The following HGD variants were observed in gnomAD, a reference collection of about 807,000 sequenced individuals.
The protein encoded by HGD is homogentisate 1,2-dioxygenase.
In HGD, 61 loss-of-function variants were observed where a neutral mutation model predicts 60.8. That is an observed-to-expected ratio of 1.00 (90% CI 0.82 to 1.24). The LOEUF (loss-of-function observed/expected upper bound fraction) is 1.24. HGD is among the 50% of genes most tolerant of loss of function. The pLI, the probability that HGD is intolerant of heterozygous loss-of-function variation, is 0.00. For missense variants in HGD, 542 were observed against 547.1 expected (o/e 0.99, Z 0.09); for synonymous variants, 212 against 187.7 (o/e 1.13, Z -1.06).
chr3:120,656,396 A>G (rs1475604520), intron 4 of HGD, among the ~76,000 whole-genome samples: 1 of 152,208 alleles, frequency 6.6e-6, no homozygotes, highest in Non-Finnish European at 1.5e-5. Context: ...TATAGAATTT[A>G]CTTATTAAAC....
At chr3:120,648,495 G>C (rs2551621) in intron 6 of HGD, among the ~76,000 whole-genome samples, 7 of 152,366 alleles carry the variant, frequency 4.6e-5, no homozygotes, top group African/African-American at 1.4e-4. Context: ...AGGAAATGTA[G>C]AGTTGGGCTT....
intron 4 of HGD, among the ~76,000 whole-genome samples, chr3:120,653,331 A>G (rs1352317932): frequency 6.6e-6 from 1 of 152,216 alleles, no homozygotes; most frequent in African/African-American, 2.4e-5. Flanking sequence ...TTGAAGTGTC[A>G]GCCCAGCGCT....
At chr3:120,641,558 A>G in intron 11 of HGD, 31 bp downstream of exon 11, 1 of 1,432,844 alleles carries the variant, frequency 7.0e-7, no homozygotes, top group Non-Finnish European at 9.9e-7. Flanking sequence ...GCGTTGCCTC[A>G]TCCCAAGGCC....
rs763399523 is a variant in HGD at position 120,682,089 on chromosome 3, T to G, written c.15+8A>C. The G allele has an allele frequency of 1.9e-6, 3 of 1,613,924 alleles. No individual in the cohort carries two copies. In the East Asian group the frequency reaches 6.7e-5, roughly 36 times the overall value. ...AAGCCATAGCAAACTTGTCAGATGG[T>G]TTCTTACCTTTAACTCAGCCATTTT... On this transcript the variant is annotated splice_region_variant and intron_variant, in intron 1 of 13. Coordinates refer to ENST00000283871, the MANE Select transcript of HGD (RefSeq NM_000187.4).
At chr3:120,654,955 C>A (rs1046274910) in intron 4 of HGD, among the ~76,000 whole-genome samples, 2 of 152,134 alleles carry the variant, frequency 1.3e-5, no homozygotes, top group Non-Finnish European at 2.9e-5. Flanking sequence ...CCTGTAGTCC[C>A]AGCTACTCAG....
intron 12 of HGD, 126 bp from the exon 13 acceptor site, chr3:120,633,454 A>T: frequency 1.3e-6 from 2 of 1,571,262 alleles, no homozygotes; most frequent in Non-Finnish European, 1.7e-6. Flanking sequence ...GTATAGGATT[A>T]ATAAAGAATA....
At chr3:120,677,250 T>G in intron 1 of HGD, among the ~76,000 whole-genome samples, 1 of 152,208 alleles carries the variant, frequency 6.6e-6, no homozygotes, top group Non-Finnish European at 1.5e-5. Context: ...ATAAGAGAGA[T>G]AACCTTAAAC....
intron 13 of HGD, among the ~76,000 whole-genome samples, chr3:120,630,823 T>TATATATATATAC (rs71632702): frequency 1.4e-5 from 1 of 70,464 alleles, no homozygotes; most frequent in African/African-American, 6.4e-5. Flanking sequence ...TATATATATA[T>TATATATATATAC]ATACACATAC....
chr3:120,634,548 A>G (rs1286782351), intron 12 of HGD, among the ~76,000 whole-genome samples: 1 of 152,174 alleles, frequency 6.6e-6, no homozygotes, highest in African/African-American at 2.4e-5. Context: ...AGAGATGAAT[A>G]AGAAATAGCT....
chr3:120,633,220 C>T lies in HGD; in HGVS notation c.1115G>A (p.Gly372Glu). The stretch of plus-strand genomic sequence containing the variant: ...CTTCTCAAAGCAGTCAGCATCAGGT[C>T]CATGGGGGGTCATTGTGCTGTGTAG... ...GSLHSTMTPHGPDADCFEKAS... is the reference protein window; with the variant it reads ...GSLHSTMTPHEPDADCFEKAS... The change falls in exon 13 of 14, where the codon GGA becomes GAA. Residue 372 changes from glycine to glutamate, a missense_variant. By Grantham distance (98) the Gly-to-Glu change is moderately conservative. Around this residue, in one of 2 missense-constraint regions of HGD, gnomAD observed 537 missense variants for 529.1 expected, o/e 1.01. Transcript: ENST00000283871. 1.2e-6 allele frequency: 2 copies of T among 1,614,142 alleles called. No individual in the cohort carries two copies. Among genetic ancestry groups the T allele is most frequent in the Non-Finnish European group, 1.7e-6 (2 of 1,180,026 alleles).
intron 1 of HGD, among the ~76,000 whole-genome samples, chr3:120,681,399 C>T (rs1708227738): frequency 1.3e-5 from 2 of 152,304 alleles, no homozygotes; most frequent in South Asian, 4.1e-4. Flanking sequence ...ACTAAGGCCC[C>T]TTTTTGAGCC....
chr3:120,639,571 G>A (rs1226610039), intron 11 of HGD, among the ~76,000 whole-genome samples: 4 of 152,178 alleles, frequency 2.6e-5, no homozygotes, highest in African/African-American at 4.8e-5. Flanking sequence ...GAGAACCAAC[G>A]GTGCCTGCTT....
At chr3:120,675,755 G>T in intron 2 of HGD, 37 bp downstream of exon 2, 3 of 1,521,484 alleles carry the variant, frequency 2.0e-6, no homozygotes, top group Non-Finnish European at 2.7e-6. Context: ...CCAGGAATAG[G>T]ATTCAGAGCT....
intron 6 of HGD, among the ~76,000 whole-genome samples, chr3:120,649,751 C>T (rs1294273155): frequency 6.6e-6 from 1 of 152,066 alleles, no homozygotes; most frequent in Non-Finnish European, 1.5e-5. Context: ...ACAGGGAACC[C>T]CCCCAAAAAT....
At chr3:120,647,164 T>C in intron 7 of HGD, 112 bp from the exon 8 acceptor site, 2 of 799,246 alleles carry the variant, frequency 2.5e-6, no homozygotes, top group South Asian at 1.4e-5. Flanking sequence ...TGCAAAGAGC[T>C]TTATTGAGTC....
chr3:120,656,842 G>A (rs1941513658), intron 4 of HGD, among the ~76,000 whole-genome samples: 1 of 152,212 alleles, frequency 6.6e-6, no homozygotes, highest in African/African-American at 2.4e-5. Flanking sequence ...ATGAGCCACT[G>A]TGCCTGGACC....
At chr3:120,634,481 T>A (rs1940695160) in intron 12 of HGD, among the ~76,000 whole-genome samples, 1 of 152,154 alleles carries the variant, frequency 6.6e-6, no homozygotes, top group South Asian at 2.1e-4. Flanking sequence ...ACTTCACCCA[T>A]CTGCCCATCC....
intron 4 of HGD, among the ~76,000 whole-genome samples, chr3:120,664,134 G>A (rs1473818167): frequency 1.3e-5 from 2 of 152,070 alleles, no homozygotes; most frequent in Non-Finnish European, 2.9e-5. Flanking sequence ...TGGGGTAGGG[G>A]ATCTACAGTG....
At chr3:120,665,937 T>A (rs768293885) in intron 4 of HGD, among the ~76,000 whole-genome samples, 1 of 152,210 alleles carries the variant, frequency 6.6e-6, no homozygotes, top group Non-Finnish European at 1.5e-5. Context: ...CCTTTCTTGC[T>A]GAGAGTCTGG....
Sources: allele counts gnomAD v4.1 joint callset (sites outside exome capture counted in the v4.1 genomes callset), GRCh38; gene constraint gnomAD v4.1.1; regional missense constraint gnomAD v4.1.1; transcripts MANE v1.5; gene names NCBI Gene and HGNC (gene_info 2026-07-23, HGNC 2026-07-21).